The following NOX4 variants were observed in gnomAD, a reference collection of about 807,000 sequenced individuals.
NOX4 encodes the protein kidney oxidase-1.
NOX4 carries 69 observed loss-of-function variants against 87.6 expected under a neutral mutation model. The ratio of observed to expected loss-of-function variants is 0.79; its 90% CI spans 0.65 to 0.96. The LOEUF (loss-of-function observed/expected upper bound fraction) is 0.96. NOX4 is among the 40% of genes least tolerant of loss of function. The pLI is 0.00. For missense variants in NOX4, 680 were observed against 681.5 expected, an observed-to-expected ratio of 1.00 and a Z score of 0.02; for synonymous variants, 275 against 238.2, an observed-to-expected ratio of 1.15 and a Z score of -1.42.
At chr11:89,361,654 CTTAA>C (rs1407507635) in intron 12 of NOX4, among the ~76,000 whole-genome samples, 1 of 152,006 alleles carries the variant, frequency 6.6e-6, no homozygotes, top group Non-Finnish European at 1.5e-5. Flanking sequence ...GAAAAGAAAT[CTTAA>C]TTAAAGTCAC....
intron 8 of NOX4, among the ~76,000 whole-genome samples, chr11:89,403,721 C>T (rs551429051): frequency 6.6e-6 from 1 of 152,016 alleles, no homozygotes; most frequent in Non-Finnish European, 1.5e-5. Context: ...CCAGCCTGGA[C>T]AATAAGAGCG....
At chr11:89,465,357 GC>G (rs1230637094) in intron 2 of NOX4, among the ~76,000 whole-genome samples, 1 of 152,080 alleles carries the variant, frequency 6.6e-6, no homozygotes, top group East Asian at 1.9e-4. Flanking sequence ...CTGTATTTGT[GC>G]CATATTTTCT....
chr11:89,489,416 T>G (rs1946759992), intron 2 of NOX4, among the ~76,000 whole-genome samples: 1 of 152,126 alleles, frequency 6.6e-6, no homozygotes, highest in African/African-American at 2.4e-5. Flanking sequence ...GTTTTACACT[T>G]TTTGCTTGTT....
the NOX4 span, among the ~76,000 whole-genome samples, chr11:89,529,690 T>C: frequency 6.6e-6 from 1 of 152,204 alleles, no homozygotes. Context: ...TAAAACAAGA[T>C]AAACTGTGGC....
At chr11:89,430,725 A>G (rs1407301370) in intron 7 of NOX4, among the ~76,000 whole-genome samples, 1 of 152,210 alleles carries the variant, frequency 6.6e-6, no homozygotes, top group Non-Finnish European at 1.5e-5. Context: ...AAATGGAAGA[A>G]CATTCCATGC....
intron 14 of NOX4, among the ~76,000 whole-genome samples, chr11:89,341,354 C>T (rs12789766): frequency 6.6e-6 from 1 of 152,078 alleles, no homozygotes; most frequent in African/African-American, 2.4e-5. Flanking sequence ...AACTCCTGGC[C>T]TCAAGCGATC....
chr11:89,355,369 T>G (rs1436108375), intron 12 of NOX4, among the ~76,000 whole-genome samples: 1 of 148,564 alleles, frequency 6.7e-6, no homozygotes, highest in African/African-American at 2.4e-5. Flanking sequence ...GATTAATATT[T>G]GAAATAGTTA....
chr11:89,354,869 T>G (rs1352312284), intron 13 of NOX4, 93 bp downstream of exon 13: 4 of 670,350 alleles, frequency 6.0e-6, no homozygotes, highest in Non-Finnish European at 1.0e-5. Context: ...TCAGAAATCT[T>G]AAGAAAGATT....
chr11:89,482,375 A>G (rs1454191749), intron 2 of NOX4, among the ~76,000 whole-genome samples: 2 of 152,130 alleles, frequency 1.3e-5, no homozygotes, highest in Non-Finnish European at 2.9e-5. Flanking sequence ...CTCACAATGT[A>G]ACTATATTTG....
upstream of NOX4, among the ~76,000 whole-genome samples, chr11:89,493,900 A>G (rs1946919596): frequency 6.6e-6 from 1 of 152,034 alleles, no homozygotes; most frequent in South Asian, 2.1e-4. Context: ...GATCACAGGC[A>G]TGTGCCAACC....
the NOX4 span, among the ~76,000 whole-genome samples, chr11:89,583,416 A>G: frequency 6.6e-6 from 1 of 152,198 alleles, no homozygotes; most frequent in Non-Finnish European, 1.5e-5. Context: ...CAGTAATCTT[A>G]TAACTCTTTA....
intron 7 of NOX4, among the ~76,000 whole-genome samples, chr11:89,426,985 C>T (rs1943455610): frequency 6.6e-6 from 1 of 152,198 alleles, no homozygotes; most frequent in South Asian, 2.1e-4. Context: ...TAGGGGCAGA[C>T]TGACACCCCA....
intron 2 of NOX4, among the ~76,000 whole-genome samples, chr11:89,472,242 TA>T (rs1397040835): frequency 6.6e-6 from 1 of 152,172 alleles, no homozygotes; most frequent in African/African-American, 2.4e-5. Context: ...CTTAATGCCA[TA>T]ATAAACCATA....
intron 11 of NOX4, among the ~76,000 whole-genome samples, chr11:89,391,327 A>T (rs1396821793): frequency 6.6e-6 from 1 of 152,148 alleles, no homozygotes; most frequent in Non-Finnish European, 1.5e-5. Flanking sequence ...GATGTGAAGG[A>T]TGAGTAAGAG....
At chr11:89,365,232 G>A (rs1248846536) in intron 12 of NOX4, among the ~76,000 whole-genome samples, 3 of 152,060 alleles carry the variant, frequency 2.0e-5, no homozygotes, top group Non-Finnish European at 4.4e-5. Context: ...AGGGGGAGCA[G>A]AGTGATAAAA....
At chr11:89,566,043 CTTTTTTT>C in the NOX4 span, among the ~76,000 whole-genome samples, 1 of 122,862 alleles carries the variant, frequency 8.1e-6, no homozygotes, top group Non-Finnish European at 1.7e-5. Context: ...TTCTTTTTTT[CTTTTTTT>C]TTTTTTTTTT....
chr11:89,386,967 G>A lies in NOX4; in HGVS notation c.1074+13050C>T, dbSNP rs919985026. On this transcript the variant is annotated intron_variant, in intron 11 of 17. Transcript: ENST00000263317. ...CAGGCCCTCACCAATCATTTTATACGACAAATGTTTCTTCTAACAATCCCA... is the reference window on the plus strand; with the variant it reads ...CAGGCCCTCACCAATCATTTTATACAACAAATGTTTCTTCTAACAATCCCA... Among the ~76,000 whole-genome samples the A allele has an allele frequency of 1.5e-4, 23 of 151,762 alleles. 1 individual carries two copies. Among genetic ancestry groups the A allele is most frequent in the South Asian group, 8.3e-4 (4 of 4,802 alleles).
intron 3 of NOX4, among the ~76,000 whole-genome samples, chr11:89,449,935 GT>G (rs957318789): frequency 3.3e-5 from 5 of 152,090 alleles, no homozygotes; most frequent in African/African-American, 1.2e-4. Flanking sequence ...GAATGTTTAA[GT>G]TTTAAAATAT....
intron 2 of NOX4, among the ~76,000 whole-genome samples, chr11:89,477,086 C>G (rs897044821): frequency 6.6e-6 from 1 of 152,026 alleles, no homozygotes; most frequent in African/African-American, 2.4e-5. Flanking sequence ...TGGGATGATT[C>G]AACTGCATTA....
Sources: gnomAD v4.1 joint callset for allele counts (sites outside exome capture counted in the v4.1 genomes callset) on GRCh38, gnomAD v4.1.1 for gene constraint, MANE v1.5 for transcripts, NCBI Gene and HGNC (gene_info 2026-07-23, HGNC 2026-07-21) for gene names.